Variants in DEFA4 observed in about 807,000 individuals in gnomAD.
The protein encoded by DEFA4 is defensin alpha 4, also known as corticostatin.
In DEFA4, 8 loss-of-function variants were observed where a neutral mutation model predicts 4.4. That is an observed-to-expected ratio of 1.82 (90% CI 1.07 to 3.29). The LOEUF is 3.29. DEFA4 is among the 30% of genes most tolerant of loss of function. The probability of loss-of-function intolerance (pLI) is 0.00; values close to 1 mark genes in which losing one functional copy is unlikely to be tolerated. For synonymous variants in DEFA4, 77 were observed against 46.5 expected, an observed-to-expected ratio of 1.66 and a Z score of -2.67; for missense variants, 216 against 127.0, an observed-to-expected ratio of 1.70 and a Z score of -3.37.
intron 2 of DEFA4, among the ~76,000 whole-genome samples, chr8:6,936,475 G>T (rs891572898): frequency 6.6e-6 from 1 of 152,156 alleles, no homozygotes; most frequent in Non-Finnish European, 1.5e-5. Flanking sequence ...GATCCAGAAA[G>T]AACTGGTCAA....
intron 2 of DEFA4, 21 bp from the exon 3 acceptor site, chr8:6,936,162 T>C (rs760899482): frequency 6.2e-6 from 10 of 1,612,388 alleles, no homozygotes; most frequent in Non-Finnish European, 6.8e-6. Context: ...AGAGGAAGCA[T>C]GAGAAATTAA....
chr8:6,936,230 A>ACCGGTGATGCTG, intron 2 of DEFA4, 89 bp from the exon 3 acceptor site: 1 of 1,554,840 alleles, frequency 6.4e-7, no homozygotes, highest in Non-Finnish European at 8.8e-7. Context: ...ATGCTGGCTG[A>ACCGGTGATGCTG]CCGGTGATGC....
chr8:6,936,637 A>G, intron 2 of DEFA4, 91 bp downstream of exon 2: 1 of 1,344,084 alleles, frequency 7.4e-7, no homozygotes, highest in Non-Finnish European at 9.9e-7. Flanking sequence ...AAAGCCACCT[A>G]AGTGACATCC....
chr8:6,937,031 T>A, intron 1 of DEFA4, 120 bp from the exon 2 acceptor site: 1 of 852,280 alleles, frequency 1.2e-6, no homozygotes, highest in Non-Finnish European at 1.7e-6. Context: ...AGAGGAGGTG[T>A]GCATTTTGTT....
In DEFA4 at chr8:6,936,068, G is replaced by T. The variant is rs202025875; in HGVS notation, c.246C>A (p.Cys82Ter). Residue 82 changes from cysteine (C) to a stop codon, truncating the protein, a stop_gained, in exon 3 of 3, where the codon TGC becomes TGA. Transcript: ENST00000297435. LOFTEE classifies it low-confidence loss of function (END_TRUNC). ...ATGTGAAACTCACACCACCAATGAG[G>T]CAGTTCCCAACACGAAGTTCTGTTC... is the stretch of plus-strand genomic sequence containing the variant. ...CRRTELRVGN[C>*]LIGGVSFTYC... 5.0e-5 allele frequency: 80 copies of T among 1,613,874 alleles called. No individual in the cohort carries two copies. Among genetic ancestry groups the T allele is most frequent in the Non-Finnish European group, 6.6e-5 (78 of 1,180,000 alleles).
In DEFA4 at chr8:6,935,970, A is replaced by G; in HGVS notation, c.*50T>C. 6.2e-7 allele frequency: 1 copy of G among 1,611,220 alleles called. No homozygotes were observed. On this transcript the variant is annotated 3_prime_UTR_variant, in exon 3 of 3. Coordinates refer to ENST00000297435, the MANE Select transcript of DEFA4 (RefSeq NM_001925.3). ...AGCTGCAGAAGCATGTGAAGCTAAC[A>G]CCACCGATGATGGCGTTCCCAGCAT...
intron 1 of DEFA4, among the ~76,000 whole-genome samples, 174 bp from the exon 2 acceptor site, chr8:6,937,085 C>T (rs540823665): frequency 6.6e-6 from 1 of 152,198 alleles, no homozygotes; most frequent in East Asian, 1.9e-4. Flanking sequence ...CCCTGGAATG[C>T]TCCTCTGCTC....
At chr8:6,936,382 C>G (rs960145260) in intron 2 of DEFA4, among the ~76,000 whole-genome samples, 2 of 152,190 alleles carry the variant, frequency 1.3e-5, no homozygotes, top group African/African-American at 4.8e-5. Flanking sequence ...CACACCTGAA[C>G]ATACTCTTAA....
In DEFA4 at chr8:6,935,991, A is replaced by G. The variant is rs761767369; in HGVS notation, c.*29T>C. The G allele has an allele frequency of 4.3e-6, 7 of 1,612,778 alleles. No homozygotes were observed. The highest frequency in any genetic ancestry group is 1.7e-4 in the Middle Eastern group (1 of 6,058). On this transcript the variant is annotated 3_prime_UTR_variant, in exon 3 of 3. Coordinates refer to ENST00000297435, the MANE Select transcript of DEFA4 (RefSeq NM_001925.3). Reference sequence around the variant, plus strand: ...TAACACCACCGATGATGGCGTTCCCAGCATGACATTCTCTTGGACAGCAGA... The same window carrying G: ...TAACACCACCGATGATGGCGTTCCCGGCATGACATTCTCTTGGACAGCAGA...
intron 2 of DEFA4, 43 bp downstream of exon 2, chr8:6,936,685 G>T (rs2239667): frequency 2.7e-6 from 4 of 1,499,978 alleles, no homozygotes; most frequent in Middle Eastern, 1.8e-4. Context: ...TCTCCCATCC[G>T]TCTCTCTAGA....
chr8:6,936,697 T>G (rs771142860), intron 2 of DEFA4, 31 bp downstream of exon 2: 3 of 1,559,760 alleles, frequency 1.9e-6, no homozygotes, highest in Non-Finnish European at 2.6e-6. Flanking sequence ...CTCTCTAGAC[T>G]CGGTAGCTTT....
intron 1 of DEFA4, among the ~76,000 whole-genome samples, chr8:6,937,291 C>A (rs1317648322): frequency 6.6e-6 from 1 of 152,128 alleles, no homozygotes; most frequent in African/African-American, 2.4e-5. Context: ...CCTCTTATTT[C>A]CTGATAATGG....
At chr8:6,936,182 T>TCAGC in intron 2 of DEFA4, 41 bp from the exon 3 acceptor site, 2 of 1,609,224 alleles carry the variant, frequency 1.2e-6, no homozygotes, top group Non-Finnish European at 1.7e-6. Flanking sequence ...AGCACCAAGG[T>TCAGC]CAGCGGTGGG....
chr8:6,936,002 C>T lies in DEFA4; in HGVS notation c.*18G>A. 1.2e-6 allele frequency: 2 copies of T among 1,613,590 alleles called. No individual in the cohort carries two copies. The highest frequency in any genetic ancestry group is 1.7e-6 in the Non-Finnish European group (2 of 1,179,640). Reference sequence around the variant, plus strand: ...ATGATGGCGTTCCCAGCATGACATTCTCTTGGACAGCAGAACGTTAATCGA... The same window carrying T: ...ATGATGGCGTTCCCAGCATGACATTTTCTTGGACAGCAGAACGTTAATCGA... On this transcript the variant is annotated 3_prime_UTR_variant, in exon 3 of 3. Transcript: ENST00000297435.
Position 6,935,984 on chromosome 8 carries a change from C to G in DEFA4, c.*36G>C. On this transcript the variant is annotated 3_prime_UTR_variant, in exon 3 of 3. Transcript: ENST00000297435. ...GTGAAGCTAACACCACCGATGATGG[C>G]GTTCCCAGCATGACATTCTCTTGGA... The G allele has an allele frequency of 6.2e-7, 1 of 1,611,614 alleles. No individual in the cohort carries two copies. Among genetic ancestry groups the G allele is most frequent in the Non-Finnish European group, 8.5e-7 (1 of 1,178,016 alleles).
rs745930702 is a variant in DEFA4, at chr8:6,935,981, T to C, written c.*39A>G. 17 of 1,611,830 alleles carry C rather than the reference T, an allele frequency of 1.1e-5. No homozygotes were observed. The East Asian group carries it at 3.6e-4, about 34-fold the overall frequency. On this transcript the variant is annotated 3_prime_UTR_variant, in exon 3 of 3. Transcript: ENST00000297435. The stretch of plus-strand genomic sequence containing the variant: ...CATGTGAAGCTAACACCACCGATGA[T>C]GGCGTTCCCAGCATGACATTCTCTT...
chr8:6,935,957 A>C lies in DEFA4; in HGVS notation c.*63T>G. On this transcript the variant is annotated 3_prime_UTR_variant, in exon 3 of 3. Transcript: ENST00000297435. ...ATTCTGCAAGCTCAGCTGCAGAAGC[A>C]TGTGAAGCTAACACCACCGATGATG... 3 of 1,609,188 alleles carry C rather than the reference A, an allele frequency of 1.9e-6. No individual in the cohort carries two copies. Among genetic ancestry groups the C allele is most frequent in the Non-Finnish European group, 2.6e-6 (3 of 1,176,126 alleles).
intron 2 of DEFA4, 58 bp downstream of exon 2, chr8:6,936,670 G>A: frequency 1.4e-6 from 2 of 1,463,242 alleles, no homozygotes; most frequent in Non-Finnish European, 1.8e-6. Flanking sequence ...TGATTCCAGA[G>A]CCCATCTCCC....
In DEFA4 at chr8:6,936,864, C is replaced by G. The variant is rs1381516521; in HGVS notation, c.36G>C (p.Leu12Phe). 2 of 1,611,810 alleles carry G rather than the reference C, an allele frequency of 1.2e-6. No individual in the cohort carries two copies. Among genetic ancestry groups the G allele is most frequent in the Non-Finnish European group, 1.7e-6 (2 of 1,178,960 alleles). ...RIIALLAAIL[L>F]VALQVRAGPL... ...GGCCTGCCCGGACCTGGAGGGCTAC[C>G]AAGAGAATAGCAGCGAGGAGGGCGA... The change falls in exon 2 of 3, where the codon TTG becomes TTC. Residue 12 changes from leucine (L) to phenylalanine (F), a missense_variant. Transcript: ENST00000297435.
Sources: gnomAD v4.1 joint callset for allele counts (sites outside exome capture counted in the v4.1 genomes callset) on GRCh38, gnomAD v4.1.1 for gene constraint, MANE v1.5 for transcripts, NCBI Gene and HGNC (gene_info 2026-07-23, HGNC 2026-07-21) for gene names.